The following TJP1 variants were observed in gnomAD, a reference collection of about 807,000 sequenced individuals.
TJP1 encodes tight junction protein 1.
A neutral mutation model predicts 194.2 loss-of-function variants in TJP1; 43 were observed. The observed-to-expected ratio is 0.22, with a 90% CI of 0.17 to 0.29. The LOEUF is 0.29. Among genes scored for constraint, TJP1 ranks in the 10% least tolerant of loss-of-function variants. TJP1 has a pLI of 1.00. For synonymous variants in TJP1, 801 were observed against 779.0 expected (o/e 1.03, Z -0.47); for missense variants, 1,971 against 2,185.7 (o/e 0.90, Z 1.96).
intron 2 of TJP1, among the ~76,000 whole-genome samples, chr15:29,942,361 G>GT (rs2055110627): frequency 6.6e-6 from 1 of 152,166 alleles, no homozygotes; most frequent in Admixed American, 6.5e-5. Context: ...ATGAAGGCCG[G>GT]TACCACTCAC....
Position 29,736,303 on chromosome 15 carries a change from G to A in TJP1, c.1407+961C>T, listed in dbSNP as rs7176808. 4.0e-3 allele frequency among the ~76,000 whole-genome samples: 604 copies of A among 152,190 alleles called. 7 individuals are homozygous for A. The highest frequency in any genetic ancestry group is 0.014 in the African/African-American group (577 of 41,522). ...CTTCAACAAGTTAAACAGCAAAAAAGGACAAATAAGACAGTGGAAGATAGA... is the reference window on the plus strand; with the variant it reads ...CTTCAACAAGTTAAACAGCAAAAAAAGACAAATAAGACAGTGGAAGATAGA... On this transcript the variant is annotated intron_variant, in intron 11 of 27. Transcript: ENST00000614355.
intron 2 of TJP1, among the ~76,000 whole-genome samples, chr15:29,785,340 A>G (rs1208971239): frequency 6.6e-6 from 1 of 152,212 alleles, no homozygotes; most frequent in Non-Finnish European, 1.5e-5. Context: ...TTTACTGGAC[A>G]CTAGCCATGC....
At chr15:29,931,184 G>C (rs1404024343) in intron 2 of TJP1, among the ~76,000 whole-genome samples, 1 of 152,182 alleles carries the variant, frequency 6.6e-6, no homozygotes, top group Non-Finnish European at 1.5e-5. Flanking sequence ...TATAGTTACT[G>C]TTCATTAAGT....
chr15:29,721,469 G>A (rs1033511472), intron 18 of TJP1, among the ~76,000 whole-genome samples: 9 of 152,134 alleles, frequency 5.9e-5, no homozygotes, highest in Non-Finnish European at 8.8e-5. Flanking sequence ...CCCAGAAGCA[G>A]AAGCCTGTAC....
chr15:29,795,460 C>CA (rs1021622369), intron 2 of TJP1, among the ~76,000 whole-genome samples: 7 of 147,214 alleles, frequency 4.8e-5, no homozygotes, highest in African/African-American at 1.7e-4. Context: ...CAAAACAAAA[C>CA]AAACTGTAAC....
intron 1 of TJP1, among the ~76,000 whole-genome samples, chr15:29,959,383 C>T (rs930754926): frequency 2.0e-5 from 3 of 151,938 alleles, no homozygotes; most frequent in Non-Finnish European, 4.4e-5. Flanking sequence ...TAATGTTTTT[C>T]TATTTTCTCA....
chr15:29,890,632 G>A (rs1018986383), intron 2 of TJP1, among the ~76,000 whole-genome samples: 2 of 152,144 alleles, frequency 1.3e-5, no homozygotes, highest in Non-Finnish European at 2.9e-5. Context: ...CAGACTGTTA[G>A]ATGAATGTTC....
At chr15:29,778,996 CCTGT>C (rs1312142471) in intron 2 of TJP1, among the ~76,000 whole-genome samples, 2 of 152,178 alleles carry the variant, frequency 1.3e-5, no homozygotes, top group Non-Finnish European at 2.9e-5. Flanking sequence ...CCAAACTTAA[CCTGT>C]CTTTTTCATC....
intron 2 of TJP1, among the ~76,000 whole-genome samples, chr15:29,908,948 A>G (rs1448848642): frequency 4.6e-5 from 7 of 152,060 alleles, no homozygotes; most frequent in African/African-American, 1.4e-4. Context: ...AGATCAGGAG[A>G]TCGAGAACAT....
intron 1 of TJP1, among the ~76,000 whole-genome samples, chr15:29,810,488 TA>T (rs1261870250): frequency 6.6e-6 from 1 of 152,176 alleles, no homozygotes; most frequent in African/African-American, 2.4e-5. Context: ...CCTTTCAGAA[TA>T]GTAAGAAAAA....
chr15:29,740,276 G>A (rs932338069), intron 10 of TJP1, among the ~76,000 whole-genome samples: 3 of 152,074 alleles, frequency 2.0e-5, no homozygotes, highest in Middle Eastern at 3.4e-3. Context: ...CGCCCGGCCC[G>A]GAATTCTGTC....
chr15:29,749,113 T>C (rs1249007593), intron 8 of TJP1, among the ~76,000 whole-genome samples: 1 of 152,096 alleles, frequency 6.6e-6, no homozygotes, highest in African/African-American at 2.4e-5. Context: ...TGGGCACTTT[T>C]GCTTTTCCCC....
intron 11 of TJP1, 79 bp downstream of exon 11, chr15:29,737,185 A>G (rs2044089423): frequency 4.6e-6 from 7 of 1,518,932 alleles, no homozygotes; most frequent in Non-Finnish European, 6.3e-6. Flanking sequence ...TCTAATTACA[A>G]TAGTAAGCTT....
intron 10 of TJP1, among the ~76,000 whole-genome samples, chr15:29,740,635 A>C (rs1490317973): frequency 6.6e-6 from 1 of 152,104 alleles, no homozygotes; most frequent in Admixed American, 6.5e-5. Flanking sequence ...CTGTTTAAAA[A>C]AAAAAACTAA....
chr15:29,793,547 G>A (rs546419739), intron 2 of TJP1, among the ~76,000 whole-genome samples: 2 of 152,236 alleles, frequency 1.3e-5, no homozygotes, highest in East Asian at 3.9e-4. Context: ...CTTCTGGTGA[G>A]GCCTCAGGAA....
intron 2 of TJP1, among the ~76,000 whole-genome samples, chr15:29,928,677 C>A (rs1242129409): frequency 6.6e-6 from 1 of 152,122 alleles, no homozygotes; most frequent in Non-Finnish European, 1.5e-5. Flanking sequence ...GGCACGGTGG[C>A]TCACGCCTGT....
chr15:29,765,529 G>A (rs185406414), intron 5 of TJP1, among the ~76,000 whole-genome samples: 120 of 152,224 alleles, frequency 7.9e-4, no homozygotes, highest in African/African-American at 2.8e-3. Context: ...GCATTATGGA[G>A]AAATGCTCTA....
At position 29,907,458 on chromosome 15, in the gene TJP1, T is replaced by C. The variant is rs372751985; in HGVS notation, c.306+48774A>G. 3.7e-4 allele frequency among the ~76,000 whole-genome samples: 57 copies of C among 152,278 alleles called. No homozygotes were observed. In the South Asian group the frequency reaches 0.011, roughly 29 times the overall value. ...GAAGTGGTACATACATGTATTCATATGCCATTAGACAAGGCATAGAAAACA... is the reference window on the plus strand; with the variant it reads ...GAAGTGGTACATACATGTATTCATACGCCATTAGACAAGGCATAGAAAACA... On this transcript the variant is annotated intron_variant, in intron 2 of 28. Transcript: ENST00000356107.
intron 1 of TJP1, among the ~76,000 whole-genome samples, chr15:29,819,934 AAT>A (rs1279588435): frequency 6.6e-6 from 1 of 152,208 alleles, no homozygotes; most frequent in African/African-American, 2.4e-5. Flanking sequence ...GATATACAGT[AAT>A]ATATGTGTAC....
Sources: allele counts gnomAD v4.1 joint callset (sites outside exome capture counted in the v4.1 genomes callset), GRCh38; gene constraint gnomAD v4.1.1; transcripts MANE v1.5; gene names NCBI Gene and HGNC (gene_info 2026-07-23, HGNC 2026-07-21).